Variants in ST6GALNAC3 observed in about 807,000 individuals in gnomAD.
ST6GALNAC3 encodes the protein ST6 N-acetylgalactosaminide alpha-2,6-sialyltransferase 3, also known as alpha-N-acetylgalactosaminide alpha-2,6-sialyltransferase 3.
ST6GALNAC3 carries 25 observed loss-of-function variants against 32.7 expected under a neutral mutation model. The ratio of observed to expected loss-of-function variants is 0.76; its 90% CI spans 0.56 to 1.07. The LOEUF is 1.07. ST6GALNAC3 is among the 50% of genes least tolerant of loss of function. The probability of loss-of-function intolerance (pLI) is 0.00; values close to 1 mark genes in which losing one functional copy is unlikely to be tolerated. For synonymous variants in ST6GALNAC3, 129 were observed against 133.1 expected (o/e 0.97, Z 0.21); for missense variants, 355 against 382.4 (o/e 0.93, Z 0.60).
rs1221930016 is a variant in ST6GALNAC3, at chr1:76,494,462, T to TAC, written c.623+82046_623+82047insCA. The stretch of plus-strand genomic sequence containing the variant: ...ATATATATATATATATATATATATA[T>TAC]ATATATACACACACACACACACACT... On this transcript the variant is annotated intron_variant, in intron 3 of 4. Transcript: ENST00000328299. 1.0e-3 allele frequency among the ~76,000 whole-genome samples: 88 copies of TAC among 87,840 alleles called. 6 individuals carry two copies. Among genetic ancestry groups the TAC allele is most frequent in the South Asian group, 5.4e-3 (11 of 2,042 alleles). The allele number at this position is 87,840 out of a possible 152,430, so 57.6% of individuals were successfully genotyped here.
chr1:76,571,643 A>T (rs1414570379), intron 3 of ST6GALNAC3, among the ~76,000 whole-genome samples: 1 of 152,148 alleles, frequency 6.6e-6, no homozygotes, highest in Non-Finnish European at 1.5e-5. Flanking sequence ...AATAACTAGG[A>T]TTATGAATGG....
intron 1 of ST6GALNAC3, among the ~76,000 whole-genome samples, chr1:76,257,295 T>A (rs1657975342): frequency 1.3e-5 from 2 of 152,138 alleles, no homozygotes; most frequent in Non-Finnish European, 2.9e-5. Flanking sequence ...GGAATTACAT[T>A]GCTGAGAATT....
chr1:76,444,773 C>T (rs368865789), intron 3 of ST6GALNAC3, among the ~76,000 whole-genome samples: 4 of 152,254 alleles, frequency 2.6e-5, no homozygotes, highest in Admixed American at 2.0e-4. Flanking sequence ...TCTCTGCTCT[C>T]TTGTAGCCAG....
At chr1:76,264,049 A>G (rs1390506970) in intron 1 of ST6GALNAC3, among the ~76,000 whole-genome samples, 11 of 152,170 alleles carry the variant, frequency 7.2e-5, no homozygotes, top group Admixed American at 1.3e-4. Context: ...ATTCACCGTT[A>G]TTATTTTGTA....
At chr1:76,457,391 G>A (rs972053662) in intron 3 of ST6GALNAC3, among the ~76,000 whole-genome samples, 28 of 151,976 alleles carry the variant, frequency 1.8e-4, no homozygotes, top group East Asian at 9.7e-4. Flanking sequence ...AGCCCGCATC[G>A]CCAAGTCAAT....
intron 2 of ST6GALNAC3, among the ~76,000 whole-genome samples, chr1:76,391,097 G>A (rs969486332): frequency 4.0e-5 from 6 of 151,004 alleles, no homozygotes; most frequent in African/African-American, 9.7e-5. Context: ...CCACCACCAC[G>A]CAAGGCTAAT....
intron 1 of ST6GALNAC3, among the ~76,000 whole-genome samples, chr1:76,231,140 G>A (rs1468700425): frequency 6.6e-6 from 1 of 152,144 alleles, no homozygotes; most frequent in Non-Finnish European, 1.5e-5. Flanking sequence ...TGGGATGAAT[G>A]ACCATGGAGG....
chr1:76,442,795 CATA>C lies in ST6GALNAC3; in HGVS notation c.623+30382_623+30384del, dbSNP rs372162031. 5.0e-3 allele frequency among the ~76,000 whole-genome samples: 758 copies of C among 152,278 alleles called. 7 individuals are homozygous for C. Among genetic ancestry groups the C allele is most frequent in the African/African-American group, 0.017 (721 of 41,554 alleles). On this transcript the variant is annotated intron_variant, in intron 3 of 4. Coordinates refer to ENST00000328299, the MANE Select transcript of ST6GALNAC3 (RefSeq NM_152996.4). Reference sequence around the variant, plus strand: ...TCATAAACAGAATGTTACTGCCAATCATAATATGTATTTTGTAATGGAATTTAA... The same window carrying C: ...TCATAAACAGAATGTTACTGCCAATCATATGTATTTTGTAATGGAATTTAA...
At chr1:76,501,566 G>A (rs1357266167) in intron 3 of ST6GALNAC3, among the ~76,000 whole-genome samples, 3 of 151,808 alleles carry the variant, frequency 2.0e-5, no homozygotes, top group Admixed American at 2.0e-4. Context: ...ATGGGTCAAA[G>A]AAAGAAAAAA....
At chr1:76,130,818 C>T (rs1480397206) in intron 1 of ST6GALNAC3, among the ~76,000 whole-genome samples, 5 of 152,316 alleles carry the variant, frequency 3.3e-5, no homozygotes, top group East Asian at 1.9e-4. Context: ...TGTCCAGAAT[C>T]GCAGAGGTTG....
chr1:76,179,014 T>G (rs1183110363), intron 1 of ST6GALNAC3, among the ~76,000 whole-genome samples: 2 of 152,164 alleles, frequency 1.3e-5, no homozygotes, highest in African/African-American at 4.8e-5. Flanking sequence ...GTCCATTCCC[T>G]GCTCGGCTCA....
chr1:76,336,831 G>A (rs980059046), intron 2 of ST6GALNAC3, among the ~76,000 whole-genome samples: 4 of 152,154 alleles, frequency 2.6e-5, no homozygotes, highest in East Asian at 1.9e-4. Context: ...GAGTCTGTTC[G>A]GGAATCACAT....
At chr1:76,348,060 G>C (rs114304247) in intron 2 of ST6GALNAC3, among the ~76,000 whole-genome samples, 1 of 152,086 alleles carries the variant, frequency 6.6e-6, no homozygotes, top group Non-Finnish European at 1.5e-5. Context: ...ACTGTTTTTC[G>C]TAGAAGCCTA....
chr1:76,459,108 G>T (rs1490177726), intron 3 of ST6GALNAC3, among the ~76,000 whole-genome samples: 1 of 152,182 alleles, frequency 6.6e-6, no homozygotes, highest in East Asian at 1.9e-4. Flanking sequence ...AGCAGTTTAT[G>T]TACCCCTGTT....
At chr1:76,443,467 A>C (rs573514000) in intron 3 of ST6GALNAC3, among the ~76,000 whole-genome samples, 1 of 152,324 alleles carries the variant, frequency 6.6e-6, no homozygotes, top group Admixed American at 6.5e-5. Context: ...CTATCGGTTC[A>C]TTCAGCCCAG....
chr1:76,395,538 C>G (rs563616689), intron 2 of ST6GALNAC3, among the ~76,000 whole-genome samples: 1 of 152,178 alleles, frequency 6.6e-6, no homozygotes, highest in East Asian at 1.9e-4. Flanking sequence ...TGGATTCAAT[C>G]TAAGTGTCAT....
At chr1:76,303,093 T>C (rs1178665835) in intron 1 of ST6GALNAC3, among the ~76,000 whole-genome samples, 1 of 102,148 alleles carries the variant, frequency 9.8e-6, no homozygotes, top group African/African-American at 2.7e-5. Context: ...GTTACAAAGG[T>C]CACAGTCCTA....
chr1:76,356,434 T>A (rs1430845943), intron 2 of ST6GALNAC3, among the ~76,000 whole-genome samples: 23 of 120,384 alleles, frequency 1.9e-4, no homozygotes, highest in East Asian at 2.3e-4. Context: ...ACAGTAGGGT[T>A]AAAAAAAAAA....
chr1:76,442,719 G>A (rs755883079), intron 3 of ST6GALNAC3, among the ~76,000 whole-genome samples: 16 of 152,162 alleles, frequency 1.1e-4, no homozygotes, highest in Non-Finnish European at 1.8e-4. Context: ...CAAGGTACCT[G>A]GCTTAGTGGG....
Sources: allele counts gnomAD v4.1 joint callset (sites outside exome capture counted in the v4.1 genomes callset), GRCh38; gene constraint gnomAD v4.1.1; transcripts MANE v1.5; gene names NCBI Gene and HGNC (gene_info 2026-07-23, HGNC 2026-07-21).